The following RBFOX1 variants were observed in gnomAD, a reference collection of about 807,000 sequenced individuals.
The protein encoded by RBFOX1 is RNA binding protein fox-1 homolog 1.
In RBFOX1, 8 loss-of-function variants were observed where a neutral mutation model predicts 57.7. That is an observed-to-expected ratio of 0.14 (90% CI 0.08 to 0.25). The LOEUF (loss-of-function observed/expected upper bound fraction) is 0.25. Among genes scored for constraint, RBFOX1 ranks in the 10% least tolerant of loss-of-function variants. The pLI is 1.00. For missense variants in RBFOX1, 611 were observed against 548.5 expected (o/e 1.11, Z -1.14); for synonymous variants, 326 against 222.4 (o/e 1.47, Z -4.15).
At chr16:6,971,485 GAAGA>G (rs1263270865) in intron 3 of RBFOX1, among the ~76,000 whole-genome samples, 1 of 141,106 alleles carries the variant, frequency 7.1e-6, no homozygotes. Flanking sequence ...ATTGCAATAT[GAAGA>G]GAGAGAGAGA....
chr16:5,728,521 C>T (rs1482860131), intron 3 of RBFOX1, among the ~76,000 whole-genome samples: 2 of 152,184 alleles, frequency 1.3e-5, no homozygotes, highest in African/African-American at 2.4e-5. Context: ...TCCTTGCCCA[C>T]TTAGCAGGTT....
At chr16:6,375,559 C>A (rs1450263817) in intron 2 of RBFOX1, among the ~76,000 whole-genome samples, 1 of 152,066 alleles carries the variant, frequency 6.6e-6, no homozygotes, top group Admixed American at 6.6e-5. Flanking sequence ...TTTGAAAATA[C>A]TCTAGGAAAA....
chr16:7,700,351 C>A (rs142114686), intron 14 of RBFOX1, among the ~76,000 whole-genome samples: 2 of 152,118 alleles, frequency 1.3e-5, no homozygotes, highest in Admixed American at 6.5e-5. Context: ...TTATCATCTC[C>A]ATTTATAGAT....
intron 1 of RBFOX1, among the ~76,000 whole-genome samples, chr16:5,401,766 T>TCGTCCTCCTCCTCTGCCGCTGTCG (rs748855650): frequency 7.0e-6 from 1 of 142,378 alleles, no homozygotes; most frequent in African/African-American, 2.8e-5. Flanking sequence ...CCTGTCTCTC[T>TCGTCCTCCTCCTCTGCCGCTGTCG]CCTCCTCCTC....
intron 3 of RBFOX1, among the ~76,000 whole-genome samples, chr16:5,730,924 T>C (rs976497392): frequency 3.3e-5 from 5 of 152,096 alleles, no homozygotes; most frequent in African/African-American, 1.2e-4. Context: ...ACTGCCATTG[T>C]CACTGGTGTC....
intron 3 of RBFOX1, among the ~76,000 whole-genome samples, chr16:5,655,479 A>G (rs1311371112): frequency 6.6e-6 from 1 of 152,208 alleles, no homozygotes; most frequent in East Asian, 1.9e-4. Context: ...GCTGGCTGGA[A>G]GAACACTGAA....
intron 2 of RBFOX1, among the ~76,000 whole-genome samples, chr16:6,639,376 A>G (rs774611076): frequency 9.9e-5 from 15 of 152,216 alleles, no homozygotes; most frequent in African/African-American, 1.4e-4. Flanking sequence ...GAGATAGACT[A>G]TCTATCAGCT....
At chr16:6,414,721 CT>C (rs926413720) in intron 2 of RBFOX1, among the ~76,000 whole-genome samples, 2 of 152,170 alleles carry the variant, frequency 1.3e-5, no homozygotes, top group Admixed American at 1.3e-4. Context: ...AATACAGTCT[CT>C]CTTCAAAACC....
chr16:5,638,812 G>A (rs966622702), intron 3 of RBFOX1, among the ~76,000 whole-genome samples: 6 of 152,146 alleles, frequency 3.9e-5, no homozygotes, highest in African/African-American at 1.4e-4. Context: ...TAAGTTCTGG[G>A]CTGAATGGGC....
rs547939593 is a variant in RBFOX1 at position 6,422,650 on chromosome 16, C to T, written c.-64+105593C>T. ...AGTAAGGTGACTCACATGGCAGGAG[C>T]AGGAGCAAAAGAGAACAAGAGGGGC... On this transcript the variant is annotated intron_variant, in intron 2 of 15. Transcript: ENST00000550418. Among the ~76,000 whole-genome samples the T allele has an allele frequency of 1.1e-4, 17 of 152,208 alleles. No individual in the cohort carries two copies. In the East Asian group the frequency reaches 1.5e-3, roughly 14 times the overall value.
chr16:6,029,153 G>T (rs1276187803), intron 1 of RBFOX1, among the ~76,000 whole-genome samples: 2 of 152,098 alleles, frequency 1.3e-5, no homozygotes, highest in Non-Finnish European at 2.9e-5. Context: ...TGATACAAAA[G>T]GTTCCCTAGT....
chr16:5,421,243 A>G (rs1445024189), intron 1 of RBFOX1, among the ~76,000 whole-genome samples: 1 of 151,330 alleles, frequency 6.6e-6, no homozygotes, highest in Admixed American at 6.6e-5. Flanking sequence ...CCTGACCTCA[A>G]GTGATCCCCT....
chr16:5,319,700 G>C (rs1263969472), intron 1 of RBFOX1, among the ~76,000 whole-genome samples: 1 of 152,202 alleles, frequency 6.6e-6, no homozygotes, highest in Non-Finnish European at 1.5e-5. Context: ...AGTCACACTA[G>C]AGGCTGCAAT....
chr16:6,081,022 T>G (rs2095993172), intron 1 of RBFOX1, among the ~76,000 whole-genome samples: 1 of 152,194 alleles, frequency 6.6e-6, no homozygotes, highest in Non-Finnish European at 1.5e-5. Context: ...AGGGGAATTT[T>G]ATTTACTTGA....
At chr16:5,487,123 C>A (rs1200347016) in intron 2 of RBFOX1, among the ~76,000 whole-genome samples, 2 of 152,178 alleles carry the variant, frequency 1.3e-5, no homozygotes, top group African/African-American at 4.8e-5. Flanking sequence ...CGGGAGTTCT[C>A]CAGACAATGT....
At chr16:6,741,487 A>T (rs145492648) in intron 3 of RBFOX1, among the ~76,000 whole-genome samples, 1 of 152,126 alleles carries the variant, frequency 6.6e-6, no homozygotes, top group East Asian at 1.9e-4. Flanking sequence ...AACATGGCGA[A>T]ACCCTGTCTG....
chr16:7,551,003 A>G (rs972164193), intron 5 of RBFOX1, among the ~76,000 whole-genome samples: 1 of 151,604 alleles, frequency 6.6e-6, no homozygotes, highest in Non-Finnish European at 1.5e-5. Context: ...CTGAGGCGGG[A>G]AAATCACTTG....
intron 4 of RBFOX1, among the ~76,000 whole-genome samples, chr16:7,287,124 C>G (rs373838326): frequency 5.3e-5 from 8 of 152,106 alleles, no homozygotes; most frequent in African/African-American, 1.9e-4. Flanking sequence ...TTGGTGAAGC[C>G]AATGGAGTTA....
At chr16:7,207,241 G>T (rs1013142191) in intron 4 of RBFOX1, among the ~76,000 whole-genome samples, 2 of 152,094 alleles carry the variant, frequency 1.3e-5, no homozygotes, top group African/African-American at 4.8e-5. Context: ...ATCATTGGCC[G>T]GGCGTTATGG....
Sources: gnomAD v4.1 joint callset for allele counts (sites outside exome capture counted in the v4.1 genomes callset) on GRCh38, gnomAD v4.1.1 for gene constraint, MANE v1.5 for transcripts, NCBI Gene and HGNC (gene_info 2026-07-23, HGNC 2026-07-21) for gene names.